Variants in MAML3 observed in about 807,000 individuals in gnomAD.
MAML3 encodes the protein mastermind-like protein 3.
In MAML3, 27 loss-of-function variants were observed where a neutral mutation model predicts 101.9. The ratio of observed to expected loss-of-function variants is 0.27; its 90% CI spans 0.20 to 0.37. The LOEUF (loss-of-function observed/expected upper bound fraction) is 0.37, where lower values mean the gene tolerates loss of function less well. MAML3 is among the 10% of genes least tolerant of loss of function. The pLI is 1.00. For missense variants in MAML3, 1,316 were observed against 1,444.9 expected, an observed-to-expected ratio of 0.91 and a Z score of 1.45; for synonymous variants, 501 against 555.9, an observed-to-expected ratio of 0.90 and a Z score of 1.39.
intron 3 of MAML3, among the ~76,000 whole-genome samples, chr4:139,726,484 G>A (rs964828972): frequency 6.6e-6 from 1 of 152,174 alleles, no homozygotes; most frequent in Admixed American, 6.5e-5. Flanking sequence ...GAGGGAAGGG[G>A]TTTTGACATG....
At chr4:140,106,746 C>T (rs990853379) in intron 1 of MAML3, among the ~76,000 whole-genome samples, 7 of 152,190 alleles carry the variant, frequency 4.6e-5, no homozygotes, top group African/African-American at 1.7e-4. Flanking sequence ...GGCAACCAAT[C>T]ACAGCTTGAA....
chr4:139,753,388 T>TATC (rs1560783664), intron 2 of MAML3, among the ~76,000 whole-genome samples: 2 of 113,224 alleles, frequency 1.8e-5, no homozygotes, highest in Admixed American at 9.2e-5. Flanking sequence ...ATCTATCTAT[T>TATC]TTTTGTTAGG....
intron 2 of MAML3, among the ~76,000 whole-genome samples, chr4:139,789,242 A>G (rs1005892972): frequency 6.6e-6 from 1 of 152,258 alleles, no homozygotes; most frequent in Non-Finnish European, 1.5e-5. Flanking sequence ...AGCTGATAAT[A>G]ACACAGGCAG....
chr4:140,039,940 G>A (rs1308793948), intron 1 of MAML3, among the ~76,000 whole-genome samples: 1 of 152,148 alleles, frequency 6.6e-6, no homozygotes, highest in African/African-American at 2.4e-5. Flanking sequence ...GCTACTGCTG[G>A]AGCGGGCAAA....
At chr4:139,892,059 T>C (rs1466227484) in intron 1 of MAML3, among the ~76,000 whole-genome samples, 1 of 152,230 alleles carries the variant, frequency 6.6e-6, no homozygotes, top group East Asian at 1.9e-4. Context: ...AACTATCTTC[T>C]CTAGGCTGAC....
chr4:140,078,052 T>TAAATAAATAAAG (rs1300190398), intron 1 of MAML3, among the ~76,000 whole-genome samples: 1 of 151,690 alleles, frequency 6.6e-6, no homozygotes, highest in Non-Finnish European at 1.5e-5. Context: ...AATAAATAAA[T>TAAATAAATAAAG]AAAGACAGGT....
chr4:139,734,087 AG>A (rs1728831562), intron 2 of MAML3, among the ~76,000 whole-genome samples: 1 of 152,216 alleles, frequency 6.6e-6, no homozygotes, highest in African/African-American at 2.4e-5. Flanking sequence ...AGACACCTAC[AG>A]CCCCCGACTC....
intron 1 of MAML3, among the ~76,000 whole-genome samples, chr4:140,032,629 A>G (rs910542220): frequency 6.6e-6 from 1 of 152,150 alleles, no homozygotes; most frequent in Non-Finnish European, 1.5e-5. Context: ...CATATCAATG[A>G]TACAAATGGG....
chr4:140,043,187 C>T (rs1465669261), intron 1 of MAML3, among the ~76,000 whole-genome samples: 2 of 152,106 alleles, frequency 1.3e-5, no homozygotes, highest in Non-Finnish European at 1.5e-5. Flanking sequence ...CTCTGCTTCT[C>T]ACCCCTCTTC....
intron 1 of MAML3, among the ~76,000 whole-genome samples, chr4:140,038,390 A>G (rs981768793): frequency 6.6e-6 from 1 of 152,238 alleles, no homozygotes; most frequent in African/African-American, 2.4e-5. Context: ...CAAACAAAAC[A>G]GGCAGCACAT....
intron 1 of MAML3, among the ~76,000 whole-genome samples, chr4:140,016,079 A>C (rs928720233): frequency 2.0e-5 from 3 of 152,236 alleles, no homozygotes; most frequent in Non-Finnish European, 4.4e-5. Context: ...AAAACTAGTG[A>C]GTCCAGCAAG....
intron 2 of MAML3, among the ~76,000 whole-genome samples, chr4:139,816,465 G>A (rs1560802890): frequency 6.6e-6 from 1 of 152,196 alleles, no homozygotes; most frequent in Non-Finnish European, 1.5e-5. Flanking sequence ...CATTCGAACA[G>A]AGTATTGTTT....
intron 1 of MAML3, among the ~76,000 whole-genome samples, chr4:139,897,132 T>C (rs1277092566): frequency 2.0e-5 from 3 of 152,332 alleles, no homozygotes; most frequent in African/African-American, 7.2e-5. Flanking sequence ...GGAATAAAGA[T>C]AGTGATGCTA....
At chr4:139,737,784 T>C (rs893094905) in intron 2 of MAML3, among the ~76,000 whole-genome samples, 10 of 152,304 alleles carry the variant, frequency 6.6e-5, no homozygotes, top group Admixed American at 4.6e-4. Context: ...ACTGTGGGTT[T>C]GGAGAGGTGT....
At chr4:140,096,355 G>A (rs142594421) in intron 1 of MAML3, among the ~76,000 whole-genome samples, 5 of 152,284 alleles carry the variant, frequency 3.3e-5, no homozygotes, top group Admixed American at 6.5e-5. Context: ...CAGAATGACA[G>A]CTCATTTATC....
At chr4:140,033,537 C>A (rs1726939622) in intron 1 of MAML3, among the ~76,000 whole-genome samples, 1 of 152,172 alleles carries the variant, frequency 6.6e-6, no homozygotes, top group African/African-American at 2.4e-5. Flanking sequence ...TCCCGAATGA[C>A]ATTTGATCGC....
intron 1 of MAML3, among the ~76,000 whole-genome samples, chr4:140,035,064 G>A (rs1726962557): frequency 6.6e-6 from 1 of 152,126 alleles, no homozygotes; most frequent in Non-Finnish European, 1.5e-5. Context: ...CTGCCTCCCA[G>A]GTACAAGCAA....
chr4:140,042,047 G>C (rs1051359245), intron 1 of MAML3, among the ~76,000 whole-genome samples: 1 of 152,114 alleles, frequency 6.6e-6, no homozygotes, highest in African/African-American at 2.4e-5. Flanking sequence ...TGTGAAGTAC[G>C]AAGTATTATT....
intron 1 of MAML3, among the ~76,000 whole-genome samples, chr4:139,913,433 C>A (rs1732968384): frequency 6.6e-6 from 1 of 152,106 alleles, no homozygotes; most frequent in Non-Finnish European, 1.5e-5. Flanking sequence ...CTTTTTCTGA[C>A]TTTGGTCTTT....
Sources: gnomAD v4.1 joint callset for allele counts (sites outside exome capture counted in the v4.1 genomes callset) on GRCh38, gnomAD v4.1.1 for gene constraint, MANE v1.5 for transcripts, NCBI Gene and HGNC (gene_info 2026-07-23, HGNC 2026-07-21) for gene names.